Variants in DMD observed in about 807,000 individuals in gnomAD.
DMD encodes mutant dystrophin.
In DMD, 63 loss-of-function variants were observed where a neutral mutation model predicts 330.1. The ratio of observed to expected loss-of-function variants is 0.19; its 90% CI spans 0.16 to 0.24. DMD has a LOEUF of 0.24. Among genes scored for constraint, DMD ranks in the 10% least tolerant of loss-of-function variants. The pLI is 1.00. For synonymous variants in DMD, 1,223 were observed against 959.8 expected, an observed-to-expected ratio of 1.27 and a Z score of -5.07; for missense variants, 3,344 against 2,684.1, an observed-to-expected ratio of 1.25 and a Z score of -5.43.
chrX:32,666,901 C>A (rs1252621882), intron 9 of DMD, among the ~76,000 whole-genome samples: 2 of 109,450 alleles, frequency 1.8e-5, no homozygotes, highest in Admixed American at 9.8e-5. Context: ...CCATATGACC[C>A]AAGAATCCCT....
At chrX:32,499,919 TAA>T (rs2043876677) in intron 19 of DMD, among the ~76,000 whole-genome samples, 1 of 111,502 alleles carries the variant, frequency 9.0e-6, no homozygotes, top group Non-Finnish European at 1.9e-5. Flanking sequence ...AACAAATAGA[TAA>T]GTTAGAATAT....
At chrX:32,641,840 T>G (rs1455167106) in intron 11 of DMD, among the ~76,000 whole-genome samples, 1 of 110,926 alleles carries the variant, frequency 9.0e-6, no homozygotes, top group African/African-American at 3.3e-5. Flanking sequence ...GAATCCATTT[T>G]TGTTTACTAG....
In DMD at chrX:32,151,705, A is replaced by G. The variant is rs757536753; in HGVS notation, c.6438+65211T>C. ...AGATATTACAGAGATACTCACCAAC[A>G]TGCCAGCGAAACATGGTTTATTGTT... On this transcript the variant is annotated intron_variant, in intron 44 of 78. Coordinates refer to ENST00000357033, the MANE Select transcript of DMD (RefSeq NM_004006.3). Among the ~76,000 whole-genome samples, 4 of 105,665 alleles carry G rather than the reference A, an allele frequency of 3.8e-5. No homozygotes were observed. The South Asian group carries it at 1.6e-3, about 42-fold the overall frequency. The allele number at this position is 105,665 out of a possible 115,157, so 91.8% of individuals were successfully genotyped here.
At chrX:32,202,771 A>G (rs1350348824) in intron 44 of DMD, among the ~76,000 whole-genome samples, 1 of 112,419 alleles carries the variant, frequency 8.9e-6, no homozygotes, top group Non-Finnish European at 1.9e-5. Context: ...GCATCACAGG[A>G]TCACAAAATC....
chrX:32,157,028 T>A (rs1023933982), intron 44 of DMD, among the ~76,000 whole-genome samples: 1 of 112,312 alleles, frequency 8.9e-6, no homozygotes, highest in African/African-American at 3.2e-5. Flanking sequence ...GATGACATTC[T>A]GATGTGGCAG....
chrX:32,597,559 G>A (rs1024305684), intron 12 of DMD, among the ~76,000 whole-genome samples: 1 of 111,699 alleles, frequency 9.0e-6, no homozygotes, highest in Non-Finnish European at 1.9e-5. Flanking sequence ...GGTCTCAACT[G>A]AACCCTAGGA....
chrX:32,328,649 G>A (rs751264864), intron 41 of DMD, among the ~76,000 whole-genome samples: 9 of 108,191 alleles, frequency 8.3e-5, no homozygotes, highest in Non-Finnish European at 1.1e-4. Context: ...TAAGTTGGTG[G>A]TTTACGGACA....
intron 62 of DMD, among the ~76,000 whole-genome samples, chrX:31,266,497 C>G (rs1057470177): frequency 2.7e-5 from 3 of 112,685 alleles, no homozygotes; most frequent in Non-Finnish European, 5.6e-5. Context: ...TCCCCCGGCC[C>G]CAATCCCCGC....
At position 33,190,966 on chromosome X, in the gene DMD, T is replaced by A. The variant is rs1286567334; in HGVS notation, c.31+20316A>T. Among the ~76,000 whole-genome samples, 6 of 1,314 alleles carry A rather than the reference T, an allele frequency of 4.6e-3. No homozygotes were observed. In the South Asian group the frequency reaches 0.18, roughly 40 times the overall value. 1.1% of individuals were successfully genotyped at this position (1,314 alleles called of 115,157 possible). A position where few individuals can be genotyped will look rare whatever the true frequency, so the allele number is the denominator to read the frequency against. ...TAATATATAATATTATATATATATA[T>A]AATATATAATATTATATATATATAT... On this transcript the variant is annotated intron_variant, in intron 1 of 78. Coordinates refer to ENST00000357033, the MANE Select transcript of DMD (RefSeq NM_004006.3).
chrX:32,887,863 C>T (rs1328433972), intron 2 of DMD, among the ~76,000 whole-genome samples: 1 of 99,687 alleles, frequency 1.0e-5, no homozygotes, highest in Admixed American at 1.1e-4. Context: ...TAAAAATAGA[C>T]AAATGAAGTT....
intron 45 of DMD, among the ~76,000 whole-genome samples, chrX:31,956,707 C>T (rs776073694): frequency 1.8e-5 from 2 of 111,755 alleles, no homozygotes; most frequent in South Asian, 7.6e-4. Flanking sequence ...GGATCAAAAG[C>T]AAACAGCAAA....
At chrX:32,881,754 G>C (rs1369821441) in intron 2 of DMD, among the ~76,000 whole-genome samples, 1 of 111,888 alleles carries the variant, frequency 8.9e-6, no homozygotes, top group Non-Finnish European at 1.9e-5. Context: ...AGACATATTA[G>C]CACTCATGCT....
At chrX:31,523,353 C>CG (rs774874678) in intron 55 of DMD, among the ~76,000 whole-genome samples, 1 of 111,136 alleles carries the variant, frequency 9.0e-6, no homozygotes, top group South Asian at 3.9e-4. Context: ...CCTCCACCCC[C>CG]GGGACATACA....
intron 9 of DMD, among the ~76,000 whole-genome samples, chrX:32,670,279 G>T (rs2061552431): frequency 8.9e-6 from 1 of 112,059 alleles, no homozygotes; most frequent in Non-Finnish European, 1.9e-5. Flanking sequence ...TAGATGATCA[G>T]TAAGTACTTG....
intron 1 of DMD, among the ~76,000 whole-genome samples, chrX:33,209,080 TTTGC>T (rs1321420521): frequency 7.1e-4 from 79 of 111,428 alleles, no homozygotes; most frequent in Middle Eastern, 4.6e-3. Flanking sequence ...AAATGATGAA[TTTGC>T]AATTCAGTAC....
chrX:32,347,058 T>C (rs1890661383), intron 38 of DMD, among the ~76,000 whole-genome samples: 1 of 111,795 alleles, frequency 8.9e-6, no homozygotes, highest in Non-Finnish European at 1.9e-5. Flanking sequence ...TATTTAAATC[T>C]ATAATGCATA....
At chrX:32,637,568 C>G (rs2059185166) in intron 11 of DMD, among the ~76,000 whole-genome samples, 1 of 111,583 alleles carries the variant, frequency 9.0e-6, no homozygotes, top group African/African-American at 3.3e-5. Context: ...TGTTCTCACG[C>G]TGCTAATTAA....
Position 32,468,552 on chromosome X carries a change from C to T in DMD, c.3108G>A (p.Leu1036=), listed in dbSNP as rs907460960. 1 of 1,208,394 alleles carries T rather than the reference C, an allele frequency of 8.3e-7. No homozygotes were observed. The highest frequency in any genetic ancestry group is 1.1e-6 in the Non-Finnish European group (1 of 894,572). The stretch of plus-strand genomic sequence containing the variant: ...CCTCTAGCTTTTGACAATGCTCAAC[C>T]AGCTGGGAGGAGAGCTTCTTCCAGC... ...EGRWKKLSSQ[L]VEHCQKLEEQ... is the part of the protein sequence containing the mutation. The change falls in exon 23 of 79, where the codon CTG becomes CTA. Residue 1036 remains leucine, a synonymous_variant. Coordinates refer to ENST00000357033, the MANE Select transcript of DMD (RefSeq NM_004006.3).
chrX:32,474,738 T>C (rs1426127557), intron 21 of DMD, among the ~76,000 whole-genome samples: 2 of 111,669 alleles, frequency 1.8e-5, no homozygotes, highest in South Asian at 3.7e-4. Flanking sequence ...GAGTTTGTTG[T>C]AGATTCTGGA....
Sources: allele counts gnomAD v4.1 joint callset (sites outside exome capture counted in the v4.1 genomes callset), GRCh38; gene constraint gnomAD v4.1.1; transcripts MANE v1.5; gene names NCBI Gene and HGNC (gene_info 2026-07-23, HGNC 2026-07-21).